The following MYO18B variants were observed in gnomAD, a reference collection of about 807,000 sequenced individuals.
MYO18B encodes the protein unconventional myosin-XVIIIb.
MYO18B carries 204 observed loss-of-function variants against 273.0 expected under a neutral mutation model. The observed-to-expected ratio is 0.75, with a 90% confidence interval of 0.67 to 0.84. The LOEUF (loss-of-function observed/expected upper bound fraction) is 0.84, where lower values mean the gene tolerates loss of function less well. Among genes scored for constraint, MYO18B ranks in the 40% least tolerant of loss-of-function variants. The pLI is 0.00. For synonymous variants in MYO18B, 1,330 were observed against 1,305.7 expected, an observed-to-expected ratio of 1.02 and a Z score of -0.40; for missense variants, 3,212 against 3,287.6, an observed-to-expected ratio of 0.98 and a Z score of 0.56.
chr22:25,882,866 G>A (rs995501157), intron 25 of MYO18B, among the ~76,000 whole-genome samples: 1 of 151,898 alleles, frequency 6.6e-6, no homozygotes, highest in Non-Finnish European at 1.5e-5. Context: ...ATATTCATGA[G>A]GTCATTACTC....
chr22:25,846,176 A>G lies in MYO18B; in HGVS notation c.3445A>G (p.Thr1149Ala). The G allele has an allele frequency of 6.2e-7, 1 of 1,611,272 alleles. No homozygotes were observed. The highest frequency in any genetic ancestry group is 8.5e-7 in the Non-Finnish European group (1 of 1,179,336). The change falls in exon 19 of 44, where the codon ACC (threonine) becomes GCC (alanine). Residue 1149 changes from threonine to alanine, a missense_variant. Coordinates refer to ENST00000335473, the MANE Select transcript of MYO18B (RefSeq NM_032608.7). ...CCGGGCTGTGGCAGGCCTGGAGGGCACCTCCCAGCAGGCCCTGCAGAGGAG... is the reference window on the plus strand; with the variant it reads ...CCGGGCTGTGGCAGGCCTGGAGGGCGCCTCCCAGCAGGCCCTGCAGAGGAG... ...VCRAVAGLEG[T>A]SQQALQRSRM...
At chr22:26,046,953 C>A in the MYO18B span, among the ~76,000 whole-genome samples, 1 of 152,050 alleles carries the variant, frequency 6.6e-6, no homozygotes, top group African/African-American at 2.4e-5. Context: ...GTGGGTGCCT[C>A]AGTTCTCCTC....
At chr22:25,831,640 C>T (rs576898086) in intron 15 of MYO18B, among the ~76,000 whole-genome samples, 14 of 152,210 alleles carry the variant, frequency 9.2e-5, no homozygotes, top group South Asian at 8.3e-4. Context: ...GCCTCGGCCT[C>T]CCAAAGTGCT....
At chr22:25,781,466 C>T (rs982627641) in intron 9 of MYO18B, among the ~76,000 whole-genome samples, 7 of 151,990 alleles carry the variant, frequency 4.6e-5, no homozygotes, top group Non-Finnish European at 1.0e-4. Flanking sequence ...AAAAATTAGC[C>T]GGGCGTGGTG....
At position 25,764,941 on chromosome 22, in the gene MYO18B, G is replaced by A. The variant is rs540517491; in HGVS notation, c.198+1552G>A. 2.0e-5 allele frequency among the ~76,000 whole-genome samples: 3 copies of A among 152,328 alleles called. No homozygotes were observed. In the South Asian group the frequency reaches 6.2e-4, roughly 32 times the overall value. The stretch of plus-strand genomic sequence containing the variant: ...ATCAGACCAGATAGAGGCAGAGCGA[G>A]GGGGAGAGCCTGTGTGTTCTCTGCT... On this transcript the variant is annotated intron_variant, in intron 3 of 43. Transcript: ENST00000335473.
At chr22:25,869,470 AAAAGAAG>A (rs2090987606) in intron 22 of MYO18B, among the ~76,000 whole-genome samples, 1 of 136,688 alleles carries the variant, frequency 7.3e-6, no homozygotes, top group African/African-American at 2.9e-5. Context: ...AAAAAAAAAA[AAAAGAAG>A]GAAGGAAGGA....
At position 25,811,836 on chromosome 22, in the gene MYO18B, G is replaced by A. The variant is rs141421173; in HGVS notation, c.2522-11669G>A. Among the ~76,000 whole-genome samples, 441 of 152,286 alleles carry A rather than the reference G, an allele frequency of 2.9e-3. 3 individuals are homozygous for A. The highest frequency in any genetic ancestry group is 9.6e-3 in the African/African-American group (397 of 41,546). On this transcript the variant is annotated intron_variant, in intron 12 of 43. Coordinates refer to ENST00000335473, the MANE Select transcript of MYO18B (RefSeq NM_032608.7). ...CATCCTTGTGTACAGACAGTTGTGC[G>A]CATTTTGGAGGCATGGTTTCCTGGC... is the stretch of plus-strand genomic sequence containing the variant.
chr22:25,746,488 T>C (rs1489180940), intron 1 of MYO18B, among the ~76,000 whole-genome samples: 1 of 152,154 alleles, frequency 6.6e-6, no homozygotes, highest in Non-Finnish European at 1.5e-5. Flanking sequence ...CTTGGAAAAA[T>C]GTGTAGCAGC....
At chr22:26,000,215 A>G (rs1933821812) in intron 40 of MYO18B, among the ~76,000 whole-genome samples, 1 of 152,212 alleles carries the variant, frequency 6.6e-6, no homozygotes, top group Non-Finnish European at 1.5e-5. Flanking sequence ...TCACATGGTA[A>G]AAGGGCCAAT....
chr22:25,770,874 A>G lies in MYO18B; in HGVS notation c.1582A>G (p.Thr528Ala). 1 of 1,551,052 alleles carries G rather than the reference A, an allele frequency of 6.4e-7. No homozygotes were observed. The highest frequency in any genetic ancestry group is 1.2e-5 in the South Asian group (1 of 84,014). ...LAQKDGFTLA[T>A]VLKPDEGTAD... ...CTCTCTCTGGGATGTCCAACCAGCT[A>G]CGGTGCTAAAGCCAGATGAGGGAAC... is the stretch of plus-strand genomic sequence containing the variant. Residue 528 changes from threonine to alanine, a missense_variant and splice_region_variant, in exon 6 of 44, where the codon ACG becomes GCG. Thr to Ala is a moderately conservative substitution (Grantham distance 58). Transcript: ENST00000335473.
intron 17 of MYO18B, among the ~76,000 whole-genome samples, chr22:25,840,489 C>T (rs1349467357): frequency 6.6e-6 from 1 of 152,256 alleles, no homozygotes; most frequent in Admixed American, 6.5e-5. Flanking sequence ...AGGGCATGTC[C>T]CACACTTGCT....
At chr22:26,062,420 C>G in the MYO18B span, among the ~76,000 whole-genome samples, 2 of 152,032 alleles carry the variant, frequency 1.3e-5, no homozygotes, top group African/African-American at 2.4e-5. Flanking sequence ...GGTCTAATGG[C>G]TATCAGGTAT....
At position 26,026,853 on chromosome 22, in the gene MYO18B, G is replaced by A. The variant is rs1218297367; in HGVS notation, c.6879G>A (p.Arg2293=). Residue 2293 remains arginine, a synonymous_variant, in exon 43 of 44, where the codon AGG becomes AGA. Coordinates refer to ENST00000335473, the MANE Select transcript of MYO18B (RefSeq NM_032608.7). ...TTGASTLRRG[R]AGSDEGNLSL... ...GGGCCTCCACACTAAGGAGGGGCAG[G>A]GCTGGCAGTGACGAGGGAAACCTCT... The A allele has an allele frequency of 6.3e-7, 1 of 1,595,280 alleles. No individual in the cohort carries two copies. Among genetic ancestry groups the A allele is most frequent in the East Asian group, 2.2e-5 (1 of 44,624 alleles).
chr22:25,866,817 G>C (rs988934757), intron 21 of MYO18B, among the ~76,000 whole-genome samples: 2 of 133,548 alleles, frequency 1.5e-5, no homozygotes, highest in South Asian at 5.1e-4. Context: ...AAAAAGAATA[G>C]TACTATAGTG....
At chr22:25,894,954 G>A in intron 27 of MYO18B, 3 of 584,372 alleles carry the variant, frequency 5.1e-6, no homozygotes, top group Non-Finnish European at 8.9e-6. Flanking sequence ...GTTGGAGGTG[G>A]TCAGGACAGG....
At chr22:25,748,378 T>C (rs923772366) in intron 1 of MYO18B, among the ~76,000 whole-genome samples, 3 of 152,130 alleles carry the variant, frequency 2.0e-5, no homozygotes, top group Admixed American at 2.0e-4. Context: ...TGCCAGGATA[T>C]AGGAGAAGTA....
In MYO18B at chr22:25,955,222, A is replaced by G. The variant is rs1476576702; in HGVS notation, c.6014A>G (p.Glu2005Gly). The G allele has an allele frequency of 6.2e-7, 1 of 1,612,852 alleles. No homozygotes were observed. The highest frequency in any genetic ancestry group is 8.5e-7 in the Non-Finnish European group (1 of 1,179,556). The change falls in exon 39 of 44, where the codon GAG becomes GGG. Residue 2005 changes from glutamate (E) to glycine (G), a missense_variant. Glu to Gly is a moderately conservative substitution (Grantham distance 98). Coordinates refer to ENST00000335473, the MANE Select transcript of MYO18B (RefSeq NM_032608.7). ...RLRDSLIKMG[E>G]ELSQAATSES... Reference sequence around the variant, plus strand: ...CGGGACAGCCTGATCAAGATGGGGGAGGAGCTTTCACAGGCGGCCACCTCC... The same window carrying G: ...CGGGACAGCCTGATCAAGATGGGGGGGGAGCTTTCACAGGCGGCCACCTCC...
Position 25,772,425 on chromosome 22 carries a change from A to G in MYO18B, c.1784A>G (p.Tyr595Cys), listed in dbSNP as rs891134316. The G allele has an allele frequency of 1.2e-6, 2 of 1,613,908 alleles. No homozygotes were observed. The highest frequency in any genetic ancestry group is 2.7e-5 in the African/African-American group (2 of 74,942). The change falls in exon 7 of 44, where the codon TAC (tyrosine) becomes TGC (cysteine). Residue 595 changes from tyrosine (Y) to cysteine (C), a missense_variant. Coordinates refer to ENST00000335473, the MANE Select transcript of MYO18B (RefSeq NM_032608.7). ...SSVLNTLLQRYKAQLLHTCTG... is the reference protein window; with the variant it reads ...SSVLNTLLQRCKAQLLHTCTG... The stretch of plus-strand genomic sequence containing the variant: ...GTCCTGAACACGCTTCTGCAGCGCT[A>G]CAAAGCTCAGCTGCTGCACACCTGC...
At chr22:25,888,594 C>A (rs1414745483) in intron 25 of MYO18B, among the ~76,000 whole-genome samples, 1 of 152,202 alleles carries the variant, frequency 6.6e-6, no homozygotes, top group Admixed American at 6.5e-5. Flanking sequence ...CATCTGAGGT[C>A]ATTGCCACAT....
Sources: allele counts gnomAD v4.1 joint callset (sites outside exome capture counted in the v4.1 genomes callset), GRCh38; gene constraint gnomAD v4.1.1; transcripts MANE v1.5; gene names NCBI Gene and HGNC (gene_info 2026-07-23, HGNC 2026-07-21).